NXPE2: variants seen among roughly 807,000 people sequenced by gnomAD.
NXPE2 encodes NXPE family member 2.
Under a neutral mutation model 34.4 loss-of-function variants are expected in NXPE2, and 34 were observed. The observed-to-expected ratio is 0.99, with a 90% CI of 0.75 to 1.31. The LOEUF is 1.31. Ranked by LOEUF, NXPE2 falls within the 40% of genes most tolerant of loss-of-function variation. The pLI, the probability that NXPE2 is intolerant of heterozygous loss-of-function variation, is 0.00. For synonymous variants in NXPE2, 235 were observed against 231.3 expected (o/e 1.02, Z -0.15); for missense variants, 649 against 672.5 (o/e 0.97, Z 0.39).
the NXPE2 span, among the ~76,000 whole-genome samples, chr11:114,496,200 G>A: frequency 2.0e-5 from 3 of 152,098 alleles, no homozygotes; most frequent in African/African-American, 7.2e-5. Flanking sequence ...CCTTATTTCT[G>A]GGATGGACAA....
the NXPE2 span, among the ~76,000 whole-genome samples, chr11:114,580,520 A>T: frequency 4.4e-3 from 676 of 152,188 alleles, 2 homozygotes; most frequent in African/African-American, 0.015. Flanking sequence ...TTTTTCTCTG[A>T]TGTGAATTTC....
the NXPE2 span, among the ~76,000 whole-genome samples, chr11:114,636,872 T>C: frequency 5.9e-5 from 9 of 152,118 alleles, no homozygotes; most frequent in African/African-American, 2.2e-4. Context: ...TGAGGAGAGG[T>C]TTATTTCCAA....
At chr11:114,791,822 C>A in the NXPE2 span, among the ~76,000 whole-genome samples, 3 of 152,038 alleles carry the variant, frequency 2.0e-5, no homozygotes, top group Non-Finnish European at 4.4e-5. Flanking sequence ...TTTGGGAGGC[C>A]GAGGCGGGCG....
At chr11:114,571,371 G>A in the NXPE2 span, 1 of 1,613,934 alleles carries the variant, frequency 6.2e-7, no homozygotes, top group South Asian at 1.1e-5. Context: ...TCCTATCAAG[G>A]GATAACAATA....
intron 2 of NXPE2, among the ~76,000 whole-genome samples, chr11:114,680,423 C>T (rs575791896): frequency 3.3e-5 from 5 of 152,060 alleles, no homozygotes; most frequent in Non-Finnish European, 7.4e-5. Flanking sequence ...ACAAGAAGCA[C>T]CACAGTCTAG....
chr11:114,535,578 A>T, the NXPE2 span, among the ~76,000 whole-genome samples: 1 of 152,208 alleles, frequency 6.6e-6, no homozygotes, highest in Non-Finnish European at 1.5e-5. Flanking sequence ...AAATAAAGGG[A>T]TGGAGGAAGA....
At chr11:114,604,802 G>A in the NXPE2 span, among the ~76,000 whole-genome samples, 90 of 152,112 alleles carry the variant, frequency 5.9e-4, no homozygotes, top group Non-Finnish European at 9.0e-4. Flanking sequence ...TGCCTCGCGG[G>A]TAACCACTGT....
At chr11:114,659,397 A>C in the NXPE2 span, among the ~76,000 whole-genome samples, 5 of 151,562 alleles carry the variant, frequency 3.3e-5, no homozygotes, top group African/African-American at 1.2e-4. Flanking sequence ...GAATCAGTGA[A>C]TGTGAGGATA....
chr11:114,468,498 G>T, the NXPE2 span, among the ~76,000 whole-genome samples: 1 of 152,198 alleles, frequency 6.6e-6, no homozygotes, highest in Middle Eastern at 3.2e-3. Flanking sequence ...TGCTTAGGTA[G>T]CCTTTATTAC....
At chr11:114,528,515 T>A in the NXPE2 span, among the ~76,000 whole-genome samples, 6 of 152,364 alleles carry the variant, frequency 3.9e-5, no homozygotes, top group Admixed American at 3.9e-4. Context: ...CTGAAGATCA[T>A]AAGCTTTATG....
chr11:114,748,777 ATT>A, the NXPE2 span, among the ~76,000 whole-genome samples: 116 of 152,182 alleles, frequency 7.6e-4, no homozygotes, highest in Admixed American at 2.4e-3. Flanking sequence ...TTCTTTTTCC[ATT>A]TGTATTTAAT....
At chr11:114,558,692 T>C in the NXPE2 span, among the ~76,000 whole-genome samples, 1 of 152,192 alleles carries the variant, frequency 6.6e-6, no homozygotes, top group African/African-American at 2.4e-5. Context: ...GGTCACAATA[T>C]AGATTGGATC....
chr11:114,784,637 C>G, the NXPE2 span, among the ~76,000 whole-genome samples: 1 of 152,202 alleles, frequency 6.6e-6, no homozygotes, highest in African/African-American at 2.4e-5. Flanking sequence ...AGAAAAACCT[C>G]TTCTTTCCTG....
the NXPE2 span, among the ~76,000 whole-genome samples, chr11:114,639,854 A>ATATATTATATTAAATATAAAATAT: frequency 1.1e-5 from 1 of 90,644 alleles, no homozygotes; most frequent in African/African-American, 4.7e-5. Flanking sequence ...AAAATATAAT[A>ATATATTATATTAAATATAAAATAT]TATATTATAT....
chr11:114,715,749 T>C, the NXPE2 span, among the ~76,000 whole-genome samples: 2 of 152,198 alleles, frequency 1.3e-5, no homozygotes, highest in Admixed American at 1.3e-4. Flanking sequence ...AAACAAAATG[T>C]TTAAATGCTT....
At chr11:114,510,470 C>G in the NXPE2 span, among the ~76,000 whole-genome samples, 1 of 152,092 alleles carries the variant, frequency 6.6e-6, no homozygotes, top group African/African-American at 2.4e-5. Flanking sequence ...GATTCTCCTG[C>G]CTTAGGCTCC....
At chr11:114,476,724 A>T in the NXPE2 span, among the ~76,000 whole-genome samples, 1 of 152,142 alleles carries the variant, frequency 6.6e-6, no homozygotes, top group Non-Finnish European at 1.5e-5. Context: ...TGAGAACAGC[A>T]TGGAGGAAAC....
chr11:114,793,233 T>C, the NXPE2 span, among the ~76,000 whole-genome samples: 1 of 152,228 alleles, frequency 6.6e-6, no homozygotes, highest in African/African-American at 2.4e-5. Flanking sequence ...GCTGATTGCT[T>C]CAATTTTCCT....
the NXPE2 span, among the ~76,000 whole-genome samples, chr11:114,800,832 G>A: frequency 5.3e-5 from 8 of 152,280 alleles, no homozygotes; most frequent in South Asian, 1.5e-3. Context: ...TCTGACTAAT[G>A]CAAAAATCTT....
Sources: allele counts gnomAD v4.1 joint callset (sites outside exome capture counted in the v4.1 genomes callset), GRCh38; gene constraint gnomAD v4.1.1; transcripts MANE v1.5; gene names NCBI Gene and HGNC (gene_info 2026-07-23, HGNC 2026-07-21).